Variants in SCP2 observed in about 807,000 individuals in gnomAD.
The protein encoded by SCP2 is sterol carrier protein 2.
A neutral mutation model predicts 71.4 loss-of-function variants in SCP2; 48 were observed. The observed-to-expected ratio is 0.67, with a 90% CI of 0.53 to 0.86. The LOEUF is 0.86. Among genes scored for constraint, SCP2 ranks in the 40% least tolerant of loss-of-function variants. SCP2 has a pLI of 0.00. For synonymous variants in SCP2, 220 were observed against 218.1 expected (o/e 1.01, Z -0.08); for missense variants, 560 against 655.6 (o/e 0.85, Z 1.59).
chr1:53,048,874 C>T (rs1024219364), intron 15 of SCP2: 1 of 152,160 alleles, frequency 6.6e-6, no homozygotes, highest in African/African-American at 2.4e-5. Context: ...TAAGACGTTT[C>T]TTTCCAATGT....
At chr1:52,987,986 T>G in intron 10 of SCP2, 43 bp from the exon 11 acceptor site, 1 of 974,724 alleles carries the variant, frequency 1.0e-6, no homozygotes, top group South Asian at 1.3e-5. Context: ...ATTTGTTCTA[T>G]TGTTACTATT....
intron 11 of SCP2, among the ~76,000 whole-genome samples, chr1:52,991,413 T>TC (rs1371411592): frequency 6.6e-6 from 1 of 152,172 alleles, no homozygotes; most frequent in Non-Finnish European, 1.5e-5. Flanking sequence ...TCTTTTTTTT[T>TC]TCCTTGAAAC....
intron 6 of SCP2, among the ~76,000 whole-genome samples, chr1:52,964,261 G>A (rs1390581117): frequency 2.0e-5 from 3 of 148,494 alleles, no homozygotes; most frequent in Non-Finnish European, 4.5e-5. Context: ...GAGTGCAGTG[G>A]CATGATCTTG....
In SCP2 at chr1:52,978,149, A is replaced by G. The variant is rs1320733048; in HGVS notation, c.675-68A>G. 4.0e-6 allele frequency: 6 copies of G among 1,483,954 alleles called. No homozygotes were observed. The South Asian group carries it at 4.5e-5, about 11-fold the overall frequency. The allele number at this position is 1,483,954 out of a possible 1,614,324, so 91.9% of individuals were successfully genotyped here. ...TTGGCCTTTCCTTTCACATAGAAGTAACTCCTAGTCTGAAATCCTCCGATC... is the reference window on the plus strand; with the variant it reads ...TTGGCCTTTCCTTTCACATAGAAGTGACTCCTAGTCTGAAATCCTCCGATC... On this transcript the variant is annotated intron_variant, in intron 8 of 15. Transcript: ENST00000371514.
intron 11 of SCP2, among the ~76,000 whole-genome samples, chr1:53,000,235 G>A (rs572123638): frequency 1.7e-4 from 23 of 139,210 alleles, no homozygotes; most frequent in African/African-American, 5.8e-4. Flanking sequence ...GCAACAAAGC[G>A]AGACCCTAGT....
intron 6 of SCP2, among the ~76,000 whole-genome samples, chr1:52,967,974 C>T (rs1215154787): frequency 6.6e-6 from 1 of 152,148 alleles, no homozygotes. Context: ...ATATAGCCTC[C>T]AGTGGTATAC....
At chr1:53,004,900 C>T (rs548527516) in intron 11 of SCP2, among the ~76,000 whole-genome samples, 1 of 152,140 alleles carries the variant, frequency 6.6e-6, no homozygotes, top group Non-Finnish European at 1.5e-5. Flanking sequence ...CAGATGGTAC[C>T]TGGAAAATTG....
chr1:52,932,048 G>C (rs528831477), intron 1 of SCP2, among the ~76,000 whole-genome samples: 4 of 151,892 alleles, frequency 2.6e-5, no homozygotes, highest in Non-Finnish European at 5.9e-5. Flanking sequence ...AATGGAGCAA[G>C]AACAAAGAAA....
At chr1:53,037,181 T>C (rs1224245463) in intron 13 of SCP2, among the ~76,000 whole-genome samples, 2 of 152,170 alleles carry the variant, frequency 1.3e-5, no homozygotes, top group Non-Finnish European at 2.9e-5. Flanking sequence ...TATATTTTCT[T>C]CTTCTTGCTT....
intron 1 of SCP2, among the ~76,000 whole-genome samples, chr1:52,927,984 A>G (rs530161776): frequency 1.3e-5 from 2 of 152,196 alleles, no homozygotes; most frequent in African/African-American, 2.4e-5. Context: ...TTTTCCCCTC[A>G]TCGCCCGCAT....
At position 53,028,071 on chromosome 1, in the gene SCP2, G is replaced by A. The variant is rs1306257154; in HGVS notation, c.1338G>A (p.Glu446=). 9 of 1,549,454 alleles carry A rather than the reference G, an allele frequency of 5.8e-6. No homozygotes were observed. The African/African-American group carries it at 6.8e-5, about 12-fold the overall frequency. ...VFKEIEKKLE[E]EGEQFVKKIG... is the part of the protein sequence containing the mutation. ...AGGAGATTGAGAAGAAACTTGAAGA[G>A]GTAAGATTTATGTAAAATATTGCCA... Residue 446 remains glutamate, a splice_region_variant and synonymous_variant, in exon 13 of 16, where the codon GAG becomes GAA. Transcript: ENST00000371514.
intron 6 of SCP2, among the ~76,000 whole-genome samples, chr1:52,969,081 G>T (rs1017985513): frequency 4.0e-5 from 6 of 151,386 alleles, no homozygotes; most frequent in Non-Finnish European, 8.8e-5. Context: ...GAAGGGGAAG[G>T]TTGGTCTTGC....
At chr1:52,994,053 T>C in intron 11 of SCP2, 1 of 1,154,016 alleles carries the variant, frequency 8.7e-7, no homozygotes, top group South Asian at 2.1e-5. Flanking sequence ...TGTATGTAAA[T>C]GTTGTGCCCA....
At chr1:53,013,840 T>G (rs1661141600) in intron 11 of SCP2, among the ~76,000 whole-genome samples, 1 of 150,090 alleles carries the variant, frequency 6.7e-6, no homozygotes, top group Non-Finnish European at 1.5e-5. Context: ...ATAGGCACTG[T>G]AAGTAGTAGA....
At chr1:52,928,553 G>T (rs1028391872) in intron 1 of SCP2, 2 of 152,324 alleles carry the variant, frequency 1.3e-5, no homozygotes, top group Non-Finnish European at 2.9e-5. Flanking sequence ...GGCCAAGGCG[G>T]GTGGATCACC....
rs1245101180 is a variant in SCP2 at position 52,946,134 on chromosome 1, G to T, written c.128-1875G>T. Among the ~76,000 whole-genome samples the T allele has an allele frequency of 3.3e-5, 5 of 151,774 alleles. No homozygotes were observed. In the East Asian group the frequency reaches 9.7e-4, roughly 29 times the overall value. ...GGTAGAGACAGGGTTTTGCCATATT[G>T]CCCAGGTTGGTCTTGAGGTCCTGGG... On this transcript the variant is annotated intron_variant, in intron 2 of 15. Coordinates refer to ENST00000371514, the MANE Select transcript of SCP2 (RefSeq NM_002979.5).
chr1:53,026,614 C>T (rs1191164767), intron 12 of SCP2, among the ~76,000 whole-genome samples: 1 of 151,034 alleles, frequency 6.6e-6, no homozygotes, highest in East Asian at 1.9e-4. Context: ...TTGAGACCAG[C>T]CTGGGCAACA....
At chr1:52,974,723 A>C in intron 6 of SCP2, 46 bp from the exon 7 acceptor site, 1 of 907,836 alleles carries the variant, frequency 1.1e-6, no homozygotes, top group Non-Finnish European at 1.9e-6. Flanking sequence ...GTTAATAAGC[A>C]GCGGAAAAAC....
Position 52,993,541 on chromosome 1 carries a change from C to A in SCP2, c.1081+5405C>A, listed in dbSNP as rs1041596415. Reference sequence around the variant, plus strand: ...CTCTATCTGTGACTGAAAAGACCAACAGGAAGCCCTCGCCAGTCCTCATAT... The same window carrying A: ...CTCTATCTGTGACTGAAAAGACCAAAAGGAAGCCCTCGCCAGTCCTCATAT... On this transcript the variant is annotated intron_variant, in intron 11 of 15. Transcript: ENST00000371514. 6 of 1,612,246 alleles carry A rather than the reference C, an allele frequency of 3.7e-6. No homozygotes were observed. The South Asian group carries it at 6.6e-5, about 18-fold the overall frequency.
Sources: allele counts gnomAD v4.1 joint callset (sites outside exome capture counted in the v4.1 genomes callset), GRCh38; gene constraint gnomAD v4.1.1; transcripts MANE v1.5; gene names NCBI Gene and HGNC (gene_info 2026-07-23, HGNC 2026-07-21).